NLGN1: variants seen among roughly 807,000 people sequenced by gnomAD.
NLGN1 encodes the protein neuroligin 1, also known as neuroligin-1.
In NLGN1, 12 loss-of-function variants were observed where a neutral mutation model predicts 65.5. That is an observed-to-expected ratio of 0.18 (90% CI 0.12 to 0.30). The LOEUF (loss-of-function observed/expected upper bound fraction) is 0.30. Among genes scored for constraint, NLGN1 ranks in the 10% least tolerant of loss-of-function variants. NLGN1 has a pLI of 1.00. For missense variants in NLGN1, 750 were observed against 1,007.1 expected, an observed-to-expected ratio of 0.74 and a Z score of 3.46; for synonymous variants, 350 against 359.5, an observed-to-expected ratio of 0.97 and a Z score of 0.30.
At chr3:173,700,939 C>A (rs968007053) in intron 3 of NLGN1, among the ~76,000 whole-genome samples, 1 of 152,068 alleles carries the variant, frequency 6.6e-6, no homozygotes, top group Non-Finnish European at 1.5e-5. Flanking sequence ...TCCTGGCTAA[C>A]ACGGTGAAAC....
chr3:173,547,863 G>A (rs534506965), intron 2 of NLGN1, among the ~76,000 whole-genome samples: 1 of 152,108 alleles, frequency 6.6e-6, no homozygotes, highest in African/African-American at 2.4e-5. Flanking sequence ...TTACAGGGGG[G>A]TAGGAACGGA....
chr3:173,524,087 A>ATT (rs567240021), intron 2 of NLGN1, among the ~76,000 whole-genome samples: 4 of 140,422 alleles, frequency 2.8e-5, no homozygotes, highest in Non-Finnish European at 4.8e-5. Context: ...CGCTCAGCTA[A>ATT]TTTTTTTTTT....
chr3:173,897,849 A>G (rs963554659), intron 4 of NLGN1, among the ~76,000 whole-genome samples: 1 of 152,254 alleles, frequency 6.6e-6, no homozygotes, highest in East Asian at 1.9e-4. Context: ...ATCAATACTA[A>G]TAGAATAGCA....
intron 2 of NLGN1, among the ~76,000 whole-genome samples, chr3:173,543,590 C>CGACTAAAA (rs1739260052): frequency 6.6e-6 from 1 of 151,996 alleles, no homozygotes; most frequent in African/African-American, 2.4e-5. Context: ...TTCTGAAACA[C>CGACTAAAA]GACTAAAAGA....
At chr3:174,073,068 A>T (rs934363840) in intron 4 of NLGN1, among the ~76,000 whole-genome samples, 2 of 152,176 alleles carry the variant, frequency 1.3e-5, no homozygotes, top group Non-Finnish European at 2.9e-5. Flanking sequence ...ATAACTCCTT[A>T]GGCTATGTTT....
intron 4 of NLGN1, among the ~76,000 whole-genome samples, chr3:174,126,147 C>T (rs1718901187): frequency 6.6e-6 from 1 of 152,094 alleles, no homozygotes; most frequent in Admixed American, 6.5e-5. Context: ...AGAGCCTTCA[C>T]CTTTCCCTTT....
At chr3:173,861,011 A>C (rs1728957511) in intron 4 of NLGN1, among the ~76,000 whole-genome samples, 1 of 152,276 alleles carries the variant, frequency 6.6e-6, no homozygotes, top group Admixed American at 6.5e-5. Context: ...TTTAGTGAGA[A>C]AAGTTTTTAT....
chr3:174,105,713 C>CTATATCTATATA (rs1561053937), intron 4 of NLGN1, among the ~76,000 whole-genome samples: 1 of 137,002 alleles, frequency 7.3e-6, no homozygotes, highest in African/African-American at 2.9e-5. Flanking sequence ...ATATCTATAT[C>CTATATCTATATA]TAGATATATA....
intron 4 of NLGN1, among the ~76,000 whole-genome samples, chr3:173,929,898 TTC>T (rs1743763074): frequency 6.6e-6 from 1 of 151,988 alleles, no homozygotes; most frequent in Non-Finnish European, 1.5e-5. Context: ...GAGATAGGGT[TTC>T]TCCATGTTGG....
chr3:173,931,107 C>A (rs1269906303), intron 4 of NLGN1, among the ~76,000 whole-genome samples: 1 of 152,118 alleles, frequency 6.6e-6, no homozygotes, highest in African/African-American at 2.4e-5. Context: ...GTTATATTGA[C>A]ATTTTTACAT....
At chr3:173,748,658 A>G (rs1203401837) in intron 3 of NLGN1, among the ~76,000 whole-genome samples, 1 of 152,264 alleles carries the variant, frequency 6.6e-6, no homozygotes, top group Non-Finnish European at 1.5e-5. Flanking sequence ...TCTCCATAAC[A>G]TCACCTGTAA....
chr3:174,056,361 A>G (rs1736072118), intron 4 of NLGN1, among the ~76,000 whole-genome samples: 1 of 151,950 alleles, frequency 6.6e-6, no homozygotes, highest in South Asian at 2.1e-4. Flanking sequence ...GCTTCTTTTT[A>G]AATAATATTT....
chr3:173,807,257 C>A (rs149664420), intron 3 of NLGN1, among the ~76,000 whole-genome samples: 2 of 152,194 alleles, frequency 1.3e-5, no homozygotes, highest in Non-Finnish European at 2.9e-5. Flanking sequence ...TAAACAGATT[C>A]TTTTGTTCAC....
intron 2 of NLGN1, among the ~76,000 whole-genome samples, chr3:173,447,975 G>T (rs981221236): frequency 6.6e-6 from 1 of 152,148 alleles, no homozygotes; most frequent in Non-Finnish European, 1.5e-5. Context: ...AGACGATGGG[G>T]TTTTCCAGAT....
chr3:174,263,552 C>T (rs1239677839), intron 4 of NLGN1, among the ~76,000 whole-genome samples: 6 of 151,790 alleles, frequency 4.0e-5, no homozygotes, highest in Non-Finnish European at 5.9e-5. Flanking sequence ...CTTCCTCCAT[C>T]CTTTTATATT....
At chr3:173,659,242 G>A (rs1760549273) in intron 3 of NLGN1, among the ~76,000 whole-genome samples, 1 of 151,962 alleles carries the variant, frequency 6.6e-6, no homozygotes, top group Admixed American at 6.6e-5. Context: ...AAATTTAGAG[G>A]TATGCATTCT....
chr3:173,482,116 T>G (rs560398550), intron 2 of NLGN1, among the ~76,000 whole-genome samples: 2 of 152,122 alleles, frequency 1.3e-5, no homozygotes, highest in South Asian at 4.1e-4. Flanking sequence ...TTGATGATGT[T>G]CACTTGGGTG....
At chr3:174,203,775 A>C (rs1734931766) in intron 4 of NLGN1, among the ~76,000 whole-genome samples, 1 of 152,202 alleles carries the variant, frequency 6.6e-6, no homozygotes, top group Admixed American at 6.5e-5. Context: ...ATATTTCTTC[A>C]GAATTTCTAG....
chr3:173,448,969 C>T (rs1262223831), intron 2 of NLGN1, among the ~76,000 whole-genome samples: 2 of 151,950 alleles, frequency 1.3e-5, no homozygotes, highest in Admixed American at 1.3e-4. Flanking sequence ...CTTTATTAGT[C>T]TTGCCAGCGG....
Sources: allele counts gnomAD v4.1 joint callset (sites outside exome capture counted in the v4.1 genomes callset), GRCh38; gene constraint gnomAD v4.1.1; transcripts MANE v1.5; gene names NCBI Gene and HGNC (gene_info 2026-07-23, HGNC 2026-07-21).